Variants in ALK observed in about 807,000 individuals in gnomAD.
The protein encoded by ALK is ALK receptor tyrosine kinase.
Under a neutral mutation model 163.1 loss-of-function variants are expected in ALK, and 74 were observed. That is an observed-to-expected ratio of 0.45 (90% confidence interval 0.38 to 0.55). ALK has a LOEUF of 0.55. ALK is among the 20% of genes least tolerant of loss of function. The pLI is 0.00. For missense variants in ALK, 2,063 were observed against 2,105.3 expected, an observed-to-expected ratio of 0.98 and a Z score of 0.39; for synonymous variants, 960 against 843.2, an observed-to-expected ratio of 1.14 and a Z score of -2.40.
In ALK at chr2:29,506,959, T is replaced by A. The variant is rs1672344002; in HGVS notation, c.1154+24956A>T. ...AAATGATGCAGCCACTATGGAAACATCATGGTAACTCCTTAGAAAATTAAA... is the reference window on the plus strand; with the variant it reads ...AAATGATGCAGCCACTATGGAAACAACATGGTAACTCCTTAGAAAATTAAA... On this transcript the variant is annotated intron_variant, in intron 4 of 28. Transcript: ENST00000389048. Among the ~76,000 whole-genome samples, 4 of 152,132 alleles carry A rather than the reference T, an allele frequency of 2.6e-5. No individual in the cohort carries two copies. The South Asian group carries it at 8.3e-4, about 32-fold the overall frequency.
intron 5 of ALK, among the ~76,000 whole-genome samples, chr2:29,369,586 G>A (rs571801389): frequency 6.6e-6 from 1 of 152,288 alleles, no homozygotes; most frequent in South Asian, 2.1e-4. Context: ...CACTGATGAC[G>A]GAGCTGGACA....
intron 1 of ALK, among the ~76,000 whole-genome samples, chr2:29,860,154 G>A (rs1157463675): frequency 6.6e-6 from 1 of 152,216 alleles, no homozygotes; most frequent in African/African-American, 2.4e-5. Context: ...CTTGGAAGCT[G>A]TGGTCTGAGG....
rs1288465513 is a variant in ALK, at chr2:29,830,712, TTAAAAAAAAAAAAAAAAA to T, written c.667+89263_667+89280del. 1.2e-3 allele frequency among the ~76,000 whole-genome samples: 76 copies of T among 63,520 alleles called. 5 individuals carry two copies. Among genetic ancestry groups the T allele is most frequent in the East Asian group, 9.3e-3 (21 of 2,250 alleles). The allele number at this position is 63,520 out of a possible 152,430, so 41.7% of individuals were successfully genotyped here. ...AGCAAGACCCTGTCTCTAAAATAGT[TTAAAAAAAAAAAAAAAAA>T]AAAAAAAAAAAAAAAAAAAAAAACT... is the stretch of plus-strand genomic sequence containing the variant. On this transcript the variant is annotated intron_variant, in intron 1 of 28. Coordinates refer to ENST00000389048, the MANE Select transcript of ALK (RefSeq NM_004304.5).
chr2:29,325,905 G>A (rs2148255777), intron 6 of ALK, among the ~76,000 whole-genome samples: 1 of 152,296 alleles, frequency 6.6e-6, no homozygotes, highest in Middle Eastern at 3.4e-3. Context: ...TCATGGGAAT[G>A]GTTTTCAGAG....
At chr2:29,704,934 T>A (rs1176305862) in intron 2 of ALK, among the ~76,000 whole-genome samples, 1 of 152,010 alleles carries the variant, frequency 6.6e-6, no homozygotes, top group Non-Finnish European at 1.5e-5. Flanking sequence ...ACACTAATGA[T>A]TTTGATAAAA....
intron 5 of ALK, among the ~76,000 whole-genome samples, chr2:29,348,565 T>G (rs1341777266): frequency 6.6e-6 from 1 of 152,152 alleles, no homozygotes; most frequent in Non-Finnish European, 1.5e-5. Context: ...AGTTAGCTAG[T>G]GAGTAGCAGG....
chr2:29,571,438 G>A (rs1035436701), intron 3 of ALK, among the ~76,000 whole-genome samples: 19 of 152,096 alleles, frequency 1.2e-4, no homozygotes, highest in African/African-American at 4.3e-4. Context: ...AAGATCTGAT[G>A]GTTTTATAAG....
chr2:29,828,669 G>A (rs1308049363), intron 1 of ALK, among the ~76,000 whole-genome samples: 1 of 152,142 alleles, frequency 6.6e-6, no homozygotes, highest in African/African-American at 2.4e-5. Context: ...GAAACAACAG[G>A]TGCTGGAGAG....
chr2:29,478,816 G>C (rs1260277433), intron 4 of ALK, among the ~76,000 whole-genome samples: 1 of 152,176 alleles, frequency 6.6e-6, no homozygotes, highest in African/African-American at 2.4e-5. Context: ...GGGAGAACAA[G>C]TGTGTCCCAG....
In ALK at chr2:29,197,613, G is replaced by C. The variant is rs1669056558; in HGVS notation, c.4002C>G (p.Ser1334Arg). 7 of 1,614,030 alleles carry C rather than the reference G, an allele frequency of 4.3e-6. No individual in the cohort carries two copies. Among genetic ancestry groups the C allele is most frequent in the Non-Finnish European group, 5.9e-6 (7 of 1,180,016 alleles). ...SLGYMPYPSKSNQEVLEFVTS... is the reference protein window; with the variant it reads ...SLGYMPYPSKRNQEVLEFVTS... ...TGACAAACTCCAGAACTTCCTGGTTGCTTTTGCTGGGGTATGGCATATATC... is the reference window on the plus strand; with the variant it reads ...TGACAAACTCCAGAACTTCCTGGTTCCTTTTGCTGGGGTATGGCATATATC... Residue 1334 changes from serine (S) to arginine (R), a missense_variant, in exon 27 of 29, where the codon AGC (serine) becomes AGG (arginine). This residue lies in a region of ALK where 403 missense variants were observed against 366.2 expected (regional missense o/e 1.10). Coordinates refer to ENST00000389048, the MANE Select transcript of ALK (RefSeq NM_004304.5).
At position 29,317,494 on chromosome 2, in the gene ALK, C is replaced by A. The variant is rs1666863687; in HGVS notation, c.1647+810G>T. 5.3e-5 allele frequency among the ~76,000 whole-genome samples: 8 copies of A among 152,212 alleles called. No homozygotes were observed. In the South Asian group the frequency reaches 1.7e-3, roughly 32 times the overall value. ...CTGAATGTTGATACAGTGTGCCAGG[C>A]ACCCTGTGGGCTAAATACTGCAGTG... On this transcript the variant is annotated intron_variant, in intron 8 of 28. Transcript: ENST00000389048.
intron 2 of ALK, among the ~76,000 whole-genome samples, chr2:29,711,898 T>A (rs1444191086): frequency 6.6e-6 from 1 of 152,238 alleles, no homozygotes; most frequent in Non-Finnish European, 1.5e-5. Flanking sequence ...GGATCTTTTC[T>A]GACTTGTTTT....
At chr2:29,369,432 A>G (rs1296519989) in intron 5 of ALK, among the ~76,000 whole-genome samples, 1 of 152,164 alleles carries the variant, frequency 6.6e-6, no homozygotes, top group East Asian at 1.9e-4. Context: ...ATCTTTGCTT[A>G]GAGTAAGGAT....
At chr2:29,259,807 C>T (rs1665038562) in intron 11 of ALK, among the ~76,000 whole-genome samples, 1 of 152,090 alleles carries the variant, frequency 6.6e-6, no homozygotes, top group Admixed American at 6.5e-5. Flanking sequence ...TGGAGTTATA[C>T]TTTTAAGTAT....
At chr2:29,418,958 G>A (rs978594131) in intron 4 of ALK, among the ~76,000 whole-genome samples, 1 of 151,658 alleles carries the variant, frequency 6.6e-6, no homozygotes, top group East Asian at 1.9e-4. Context: ...CTTTATAAGT[G>A]AGAGGGTATG....
At chr2:29,558,718 T>C (rs756455099) in intron 3 of ALK, among the ~76,000 whole-genome samples, 1 of 152,054 alleles carries the variant, frequency 6.6e-6, no homozygotes, top group Non-Finnish European at 1.5e-5. Context: ...TTCTAAAACT[T>C]AGTGCGTTAT....
chr2:29,671,824 T>C (rs976550458), intron 3 of ALK, among the ~76,000 whole-genome samples: 35 of 152,096 alleles, frequency 2.3e-4, no homozygotes, highest in African/African-American at 8.0e-4. Flanking sequence ...AAAACCAGCT[T>C]GCTTCTACAC....
At chr2:29,377,157 G>A (rs1668772085) in intron 5 of ALK, among the ~76,000 whole-genome samples, 1 of 152,068 alleles carries the variant, frequency 6.6e-6, no homozygotes, top group African/African-American at 2.4e-5. Context: ...GTAACATCTA[G>A]GACCAGACCA....
intron 1 of ALK, among the ~76,000 whole-genome samples, chr2:29,871,789 A>G (rs1206691378): frequency 6.6e-6 from 1 of 152,238 alleles, no homozygotes; most frequent in Non-Finnish European, 1.5e-5. Context: ...TGACTCATCC[A>G]AGGTCACACA....
Sources: gnomAD v4.1 joint callset for allele counts (sites outside exome capture counted in the v4.1 genomes callset) on GRCh38, gnomAD v4.1.1 for gene constraint, gnomAD v4.1.1 regional missense constraint, MANE v1.5 for transcripts, NCBI Gene and HGNC (gene_info 2026-07-23, HGNC 2026-07-21) for gene names.